NFX1: variants seen among roughly 807,000 people sequenced by gnomAD.
The protein encoded by NFX1 is nuclear transcription factor, X-box binding 1.
A neutral mutation model predicts 137.2 loss-of-function variants in NFX1; 69 were observed. That is an observed-to-expected ratio of 0.50 (90% CI 0.41 to 0.61). NFX1 has a LOEUF of 0.61. Ranked by LOEUF, NFX1 falls within the 20% of genes least tolerant of loss-of-function variation. The pLI is 0.00. For synonymous variants in NFX1, 495 were observed against 474.1 expected (o/e 1.04, Z -0.57); for missense variants, 1,167 against 1,391.0 (o/e 0.84, Z 2.56).
intron 23 of NFX1, among the ~76,000 whole-genome samples, chr9:33,369,234 T>G (rs1322242175): frequency 6.6e-6 from 1 of 151,888 alleles, no homozygotes; most frequent in Non-Finnish European, 1.5e-5. Context: ...CCCGGCTAAT[T>G]TTTTGTATTT....
intron 2 of NFX1, among the ~76,000 whole-genome samples, chr9:33,300,542 A>C (rs1821520753): frequency 6.6e-6 from 1 of 152,186 alleles, no homozygotes; most frequent in South Asian, 2.1e-4. Context: ...ACTCACACTC[A>C]GTTTTGAGAG....
At chr9:33,345,917 C>T (rs1267358938) in intron 14 of NFX1, among the ~76,000 whole-genome samples, 2 of 152,130 alleles carry the variant, frequency 1.3e-5, no homozygotes, top group East Asian at 3.8e-4. Context: ...AGCACCATAC[C>T]GGGCCCATCA....
chr9:33,297,553 C>T (rs1248646618), intron 2 of NFX1, among the ~76,000 whole-genome samples: 1 of 152,208 alleles, frequency 6.6e-6, no homozygotes. Flanking sequence ...GGGTTCTCTG[C>T]TCAGTGTCTC....
intron 23 of NFX1, among the ~76,000 whole-genome samples, chr9:33,368,074 A>C (rs577269801): frequency 6.6e-6 from 1 of 152,296 alleles, no homozygotes; most frequent in South Asian, 2.1e-4. Context: ...TCTCTACTAA[A>C]AATATAAAAA....
intron 5 of NFX1, among the ~76,000 whole-genome samples, chr9:33,308,011 C>T (rs1821821259): frequency 1.3e-5 from 2 of 151,684 alleles, no homozygotes; most frequent in Non-Finnish European, 2.9e-5. Context: ...TGCCGTGTTG[C>T]CCAGGTTGGT....
At chr9:33,356,510 A>G (rs1448855218) in intron 19 of NFX1, among the ~76,000 whole-genome samples, 2 of 152,080 alleles carry the variant, frequency 1.3e-5, no homozygotes, top group Non-Finnish European at 2.9e-5. Context: ...TTTAATGTTA[A>G]TATTATCCAG....
intron 3 of NFX1, among the ~76,000 whole-genome samples, chr9:33,302,291 A>C (rs1163796296): frequency 1.3e-5 from 2 of 151,526 alleles, no homozygotes; most frequent in Admixed American, 1.3e-4. Context: ...ATTTTGAAAT[A>C]TATAATAAAT....
intron 23 of NFX1, among the ~76,000 whole-genome samples, chr9:33,368,978 T>G (rs1030683424): frequency 8.5e-5 from 13 of 152,228 alleles, no homozygotes; most frequent in African/African-American, 2.7e-4. Flanking sequence ...ATGAGGGGTT[T>G]TCTCAGAAAC....
At chr9:33,299,708 C>G (rs915881243) in intron 2 of NFX1, among the ~76,000 whole-genome samples, 2 of 152,164 alleles carry the variant, frequency 1.3e-5, no homozygotes, top group Admixed American at 1.3e-4. Flanking sequence ...GGTTGTGGAA[C>G]AGACTAAATA....
Position 33,291,776 on chromosome 9 carries a change from G to C in NFX1, c.25+1179G>C, listed in dbSNP as rs1038876812. Among the ~76,000 whole-genome samples, 27 of 152,118 alleles carry C rather than the reference G, an allele frequency of 1.8e-4. 1 individual carries two copies. The highest frequency in any genetic ancestry group is 6.5e-4 in the African/African-American group (27 of 41,416). ...AAATTAGCTGGGCATGGTGGCACGCGCCTGTAGTCCCAGCTACTCCGGAGG... is the reference window on the plus strand; with the variant it reads ...AAATTAGCTGGGCATGGTGGCACGCCCCTGTAGTCCCAGCTACTCCGGAGG... On this transcript the variant is annotated intron_variant, in intron 1 of 23. Coordinates refer to ENST00000379540, the MANE Select transcript of NFX1 (RefSeq NM_002504.6).
At chr9:33,350,377 G>T (rs1175022179) in intron 15 of NFX1, among the ~76,000 whole-genome samples, 2 of 151,564 alleles carry the variant, frequency 1.3e-5, no homozygotes, top group Admixed American at 6.6e-5. Context: ...CTGGGCTAAG[G>T]TTGCCCTCCA....
At chr9:33,358,647 A>AGTTTTTTTTT (rs1823892262) in intron 19 of NFX1, among the ~76,000 whole-genome samples, 1 of 48,430 alleles carries the variant, frequency 2.1e-5, no homozygotes, top group African/African-American at 8.6e-5. Flanking sequence ...GAATGGCTTG[A>AGTTTTTTTTT]TTTTTTTTTT....
At position 33,294,970 on chromosome 9, in the gene NFX1, G is replaced by T; in HGVS notation, c.576G>T (p.Trp192Cys). 1 of 1,614,150 alleles carries T rather than the reference G, an allele frequency of 6.2e-7. No individual in the cohort carries two copies. The highest frequency in any genetic ancestry group is 8.5e-7 in the Non-Finnish European group (1 of 1,180,026). Residue 192 changes from tryptophan (W) to cysteine (C), a missense_variant, in exon 2 of 24, where the codon TGG (tryptophan) becomes TGT (cysteine). Trp to Cys is a radical substitution (Grantham distance 215, BLOSUM62 -2). Coordinates refer to ENST00000379540, the MANE Select transcript of NFX1 (RefSeq NM_002504.6). ...PKVKGKLKCEWSNRTTPKPED... is the reference protein window; with the variant it reads ...PKVKGKLKCECSNRTTPKPED... ...TCAAGGGGAAACTCAAATGTGAATGGAGTAACCGAACAACTCCAAAACCGG... is the reference window on the plus strand; with the variant it reads ...TCAAGGGGAAACTCAAATGTGAATGTAGTAACCGAACAACTCCAAAACCGG...
At chr9:33,364,894 C>G (rs1824125708) in intron 21 of NFX1, 120 bp downstream of exon 21, 3 of 1,510,122 alleles carry the variant, frequency 2.0e-6, no homozygotes, top group Non-Finnish European at 2.7e-6. Flanking sequence ...GTCACAACTT[C>G]TTTGAGGATC....
At chr9:33,296,703 A>AGGC (rs1464819529) in intron 2 of NFX1, among the ~76,000 whole-genome samples, 21 of 152,374 alleles carry the variant, frequency 1.4e-4, no homozygotes, top group Non-Finnish European at 2.5e-4. Context: ...CAGCCTGGAT[A>AGGC]ACAGAGCAAG....
At chr9:33,338,049 A>AG (rs1171241622) in intron 11 of NFX1, among the ~76,000 whole-genome samples, 3 of 150,048 alleles carry the variant, frequency 2.0e-5, no homozygotes, top group Non-Finnish European at 4.5e-5. Context: ...ACCCTGTCTC[A>AG]GAAAAAAAAA....
chr9:33,296,412 A>G (rs189651145), intron 2 of NFX1, among the ~76,000 whole-genome samples: 1 of 152,258 alleles, frequency 6.6e-6, no homozygotes, highest in African/African-American at 2.4e-5. Flanking sequence ...CAGTTCGCTG[A>G]CGAAGTCTTA....
chr9:33,306,155 G>A (rs1212377616), intron 4 of NFX1, among the ~76,000 whole-genome samples: 1 of 152,184 alleles, frequency 6.6e-6, no homozygotes, highest in African/African-American at 2.4e-5. Flanking sequence ...GGCAGGAACA[G>A]GAGAGCGATG....
chr9:33,344,187 A>G lies in NFX1; in HGVS notation c.2343A>G (p.Pro781=). The G allele has an allele frequency of 6.2e-7, 1 of 1,613,836 alleles. No homozygotes were observed. Among genetic ancestry groups the G allele is most frequent in the Non-Finnish European group, 8.5e-7 (1 of 1,179,806 alleles). ...TCARVHECDH[P]VYHSCHSEEK... is the part of the protein sequence containing the mutation. ...CTAGAGTCCATGAGTGTGACCATCC[A>G]GGTGAGTACCAACTTGTCTTCACAC... The change falls in exon 14 of 24, where the codon CCA becomes CCG. Residue 781 remains proline, a splice_region_variant and synonymous_variant. Coordinates refer to ENST00000379540, the MANE Select transcript of NFX1 (RefSeq NM_002504.6).
Sources: gnomAD v4.1 joint callset for allele counts (sites outside exome capture counted in the v4.1 genomes callset) on GRCh38, gnomAD v4.1.1 for gene constraint, MANE v1.5 for transcripts, NCBI Gene and HGNC (gene_info 2026-07-23, HGNC 2026-07-21) for gene names.